LTBP2: variants seen among roughly 807,000 people sequenced by gnomAD.
LTBP2 encodes the protein latent transforming growth factor beta binding protein 2, also known as latent-transforming growth factor beta-binding protein 2.
A neutral mutation model predicts 210.6 loss-of-function variants in LTBP2; 103 were observed. The ratio of observed to expected loss-of-function variants is 0.49; its 90% CI spans 0.42 to 0.58. The LOEUF is 0.58. Among genes scored for constraint, LTBP2 ranks in the 20% least tolerant of loss-of-function variants. The pLI is 0.00. For missense variants in LTBP2, 2,313 were observed against 2,494.5 expected (o/e 0.93, Z 1.55); for synonymous variants, 1,007 against 1,015.0 (o/e 0.99, Z 0.15).
At chr14:74,589,950 A>T (rs548177542) in intron 2 of LTBP2, among the ~76,000 whole-genome samples, 4 of 152,316 alleles carry the variant, frequency 2.6e-5, no homozygotes, top group African/African-American at 7.2e-5. Context: ...TTTGGAAAAC[A>T]GTCTAGCTTC....
rs2087681771 is a variant in LTBP2 at position 74,553,032 on chromosome 14, ATCT to A, written c.1049_1051del (p.Lys350del). ...GATGGTGGGAGTGAAGACGATCTTG[ATCT>A]TCTTGATTTTCTCCGTGAGGTTCAG... On this transcript the variant is annotated inframe_deletion, in exon 5 of 36. Coordinates refer to ENST00000261978, the MANE Select transcript of LTBP2 (RefSeq NM_000428.3). 1 of 1,614,106 alleles carries A rather than the reference ATCT, an allele frequency of 6.2e-7. No individual in the cohort carries two copies. The highest frequency in any genetic ancestry group is 8.5e-7 in the Non-Finnish European group (1 of 1,180,004).
intron 1 of LTBP2, among the ~76,000 whole-genome samples, chr14:74,607,281 G>A (rs1332546032): frequency 6.6e-6 from 1 of 152,192 alleles, no homozygotes; most frequent in African/African-American, 2.4e-5. Flanking sequence ...TTGCCACAGA[G>A]TTGAGCTTCC....
intron 3 of LTBP2, among the ~76,000 whole-genome samples, chr14:74,580,794 T>TA (rs1394465153): frequency 5.3e-5 from 8 of 151,946 alleles, no homozygotes; most frequent in South Asian, 2.1e-4. Context: ...ACCACGTCTA[T>TA]AAAAAAATAC....
At chr14:74,531,723 A>C (rs2087352938) in intron 10 of LTBP2, among the ~76,000 whole-genome samples, 1 of 152,210 alleles carries the variant, frequency 6.6e-6, no homozygotes, top group East Asian at 1.9e-4. Context: ...TGCCTCCCAG[A>C]GGCCAGTTGG....
chr14:74,587,114 C>T (rs2088217298), intron 2 of LTBP2, among the ~76,000 whole-genome samples: 1 of 152,202 alleles, frequency 6.6e-6, no homozygotes, highest in African/African-American at 2.4e-5. Context: ...CACGCAGAGG[C>T]ACACACTGGG....
chr14:74,542,769 A>ATT (rs35412803), intron 8 of LTBP2, among the ~76,000 whole-genome samples: 46,061 of 142,366 alleles, frequency 0.32, 7,921 homozygotes, highest in Non-Finnish European at 0.39. Context: ...CTCAGCCTGA[A>ATT]TTTTTTTTTT....
In LTBP2 at chr14:74,529,062, C is replaced by T. The variant is rs1335178427; in HGVS notation, c.2048G>A (p.Cys683Tyr). 2 of 1,563,604 alleles carry T rather than the reference C, an allele frequency of 1.3e-6. No individual in the cohort carries two copies. Among genetic ancestry groups the T allele is most frequent in the East Asian group, 2.4e-5 (1 of 42,032 alleles). Residue 683 changes from cysteine to tyrosine, a missense_variant, in exon 11 of 36, where the codon TGC becomes TAC. Transcript: ENST00000261978. The part of the protein sequence containing the change: ...LCYRSLGPGT[C>Y]TLPLAQRITK... ...GATCCGCTGGGCCAAAGGCAGGGTG[C>T]AGGTGCCGGGCCCCAGCGACCGGTA...
At chr14:74,583,163 C>G (rs1435915906) in intron 3 of LTBP2, among the ~76,000 whole-genome samples, 1 of 152,214 alleles carries the variant, frequency 6.6e-6, no homozygotes, top group Non-Finnish European at 1.5e-5. Flanking sequence ...GTCTCTCGGT[C>G]TCTGCCTGCT....
At chr14:74,591,891 T>G (rs1212623234) in intron 2 of LTBP2, among the ~76,000 whole-genome samples, 1 of 152,212 alleles carries the variant, frequency 6.6e-6, no homozygotes, top group East Asian at 1.9e-4. Context: ...TGAGATGATG[T>G]CTTTTCTACA....
At chr14:74,510,543 G>T (rs576111296) in intron 19 of LTBP2, among the ~76,000 whole-genome samples, 84 of 152,356 alleles carry the variant, frequency 5.5e-4, no homozygotes, top group African/African-American at 1.9e-3. Context: ...TTCCCTCATT[G>T]TGTGTGCCAG....
At chr14:74,598,361 G>A (rs750136034) in intron 2 of LTBP2, among the ~76,000 whole-genome samples, 4 of 152,194 alleles carry the variant, frequency 2.6e-5, no homozygotes, top group Non-Finnish European at 4.4e-5. Context: ...CCACTCCAGC[G>A]TCACCATCCC....
chr14:74,534,933 A>G (rs1315415020), intron 9 of LTBP2, among the ~76,000 whole-genome samples: 1 of 152,138 alleles, frequency 6.6e-6, no homozygotes, highest in Admixed American at 6.5e-5. Context: ...GATCCTGAGT[A>G]TAACCTTAAA....
chr14:74,582,027 T>C (rs1200849176), intron 3 of LTBP2, among the ~76,000 whole-genome samples: 1 of 151,014 alleles, frequency 6.6e-6, no homozygotes, highest in Non-Finnish European at 1.5e-5. Flanking sequence ...TTGTTTTTTT[T>C]TTTTTTTTTG....
chr14:74,544,896 C>T (rs1477194934), intron 8 of LTBP2, among the ~76,000 whole-genome samples: 1 of 152,112 alleles, frequency 6.6e-6, no homozygotes, highest in Non-Finnish European at 1.5e-5. Context: ...CTCTGGTTAC[C>T]AGAAACACCA....
Position 74,502,671 on chromosome 14 carries a change from A to C in LTBP2, c.5152T>G (p.Tyr1718Asp). 6.2e-7 allele frequency: 1 copy of C among 1,614,084 alleles called. No individual in the cohort carries two copies. The highest frequency in any genetic ancestry group is 8.5e-7 in the Non-Finnish European group (1 of 1,179,998). Residue 1718 changes from tyrosine (Y) to aspartate (D), a missense_variant, in exon 34 of 36, where the codon TAC becomes GAC. Tyr to Asp is a radical substitution (Grantham distance 160). Around this residue, in one of 3 missense-constraint regions of LTBP2, gnomAD observed 443 missense variants for 501.4 expected, o/e 0.88. Transcript: ENST00000261978. ...CACAGACCTGGATGGCTGGCCACGT[A>C]GTGGGGCTGGAGTTCTGAGGGCTGC... The part of the protein sequence containing the change: ...PLQPSELQPH[Y>D]VASHPEPPAG...
intron 3 of LTBP2, among the ~76,000 whole-genome samples, chr14:74,570,437 T>G (rs2087960494): frequency 6.6e-6 from 1 of 152,166 alleles, no homozygotes; most frequent in Non-Finnish European, 1.5e-5. Context: ...GGGTCAAAGA[T>G]ACACTTTCAG....
At chr14:74,549,099 G>A (rs138838231) in intron 8 of LTBP2, among the ~76,000 whole-genome samples, 51 of 152,366 alleles carry the variant, frequency 3.3e-4, no homozygotes, top group Non-Finnish European at 5.9e-4. Context: ...GACAGGCAAA[G>A]GAAATACACA....
Position 74,504,706 on chromosome 14 carries a change from G to A in LTBP2, c.4453+72C>T, listed in dbSNP as rs182799671. On this transcript the variant is annotated intron_variant, in intron 30 of 35. Transcript: ENST00000261978. ...CAGGGCTGGATGCAGAACTTCCCCA[G>A]GGACCCTGTGGAGGAGCAGGCTAGG... is the stretch of plus-strand genomic sequence containing the variant. The A allele has an allele frequency of 1.7e-5, 25 of 1,479,822 alleles. No individual in the cohort carries two copies. The East Asian group carries it at 5.2e-4, about 31-fold the overall frequency. 91.7% of individuals were successfully genotyped at this position (1,479,822 alleles called of 1,614,324 possible).
chr14:74,610,157 A>G (rs1441513164), intron 1 of LTBP2, among the ~76,000 whole-genome samples: 1 of 152,244 alleles, frequency 6.6e-6, no homozygotes, highest in Non-Finnish European at 1.5e-5. Context: ...CTGTTTGCAT[A>G]GAGCTTGCAT....
Sources: gnomAD v4.1 joint callset for allele counts (sites outside exome capture counted in the v4.1 genomes callset) on GRCh38, gnomAD v4.1.1 for gene constraint, gnomAD v4.1.1 regional missense constraint, MANE v1.5 for transcripts, NCBI Gene and HGNC (gene_info 2026-07-23, HGNC 2026-07-21) for gene names.